Variants in MSI2 observed in about 807,000 individuals in gnomAD.
The protein encoded by MSI2 is musashi RNA binding protein 2.
In MSI2, 17 loss-of-function variants were observed where a neutral mutation model predicts 45.6. That is an observed-to-expected ratio of 0.37 (90% CI 0.26 to 0.56). The LOEUF is 0.56. Among genes scored for constraint, MSI2 ranks in the 20% least tolerant of loss-of-function variants. The pLI is 0.77. For missense variants in MSI2, 293 were observed against 444.2 expected, an observed-to-expected ratio of 0.66 and a Z score of 3.06; for synonymous variants, 156 against 158.2, an observed-to-expected ratio of 0.99 and a Z score of 0.11.
At chr17:57,649,318 T>G (rs1032470519) in intron 10 of MSI2, among the ~76,000 whole-genome samples, 2 of 142,458 alleles carry the variant, frequency 1.4e-5, no homozygotes, top group African/African-American at 5.4e-5. Flanking sequence ...AACACATACA[T>G]ACACTCAACA....
intron 5 of MSI2, among the ~76,000 whole-genome samples, chr17:57,330,097 C>T (rs959903296): frequency 1.3e-5 from 2 of 152,028 alleles, no homozygotes; most frequent in African/African-American, 4.8e-5. Flanking sequence ...TTTCCAACTT[C>T]TTTAAGTCAG....
At chr17:57,377,080 C>T (rs2144000093) in intron 5 of MSI2, among the ~76,000 whole-genome samples, 1 of 152,258 alleles carries the variant, frequency 6.6e-6, no homozygotes, top group South Asian at 2.1e-4. Flanking sequence ...GCCACCACGC[C>T]CAGCTAATTT....
At chr17:57,528,492 T>C (rs1270006576) in intron 6 of MSI2, among the ~76,000 whole-genome samples, 1 of 152,216 alleles carries the variant, frequency 6.6e-6, no homozygotes, top group East Asian at 1.9e-4. Flanking sequence ...CTCTTTGATG[T>C]TTTTAAAAAG....
intron 5 of MSI2, among the ~76,000 whole-genome samples, chr17:57,319,467 C>T (rs1216973928): frequency 6.6e-6 from 1 of 152,172 alleles, no homozygotes; most frequent in East Asian, 1.9e-4. Flanking sequence ...AAATGGATGG[C>T]ATCATGTCAG....
chr17:57,297,164 C>T (rs1324183763), intron 5 of MSI2, among the ~76,000 whole-genome samples: 1 of 150,802 alleles, frequency 6.6e-6, no homozygotes, highest in Non-Finnish European at 1.5e-5. Flanking sequence ...TGAGCCACCA[C>T]CATGCTGGGC....
At chr17:57,533,791 C>T (rs528730609) in intron 7 of MSI2, among the ~76,000 whole-genome samples, 5 of 152,300 alleles carry the variant, frequency 3.3e-5, no homozygotes, top group South Asian at 4.1e-4. Context: ...GATGCCTGCA[C>T]GCTGGCCTGT....
intron 10 of MSI2, among the ~76,000 whole-genome samples, chr17:57,645,570 G>A (rs575238840): frequency 5.1e-4 from 78 of 151,698 alleles, no homozygotes; most frequent in African/African-American, 1.6e-3. Context: ...TGAGCAGCTG[G>A]GATTAAAGGT....
chr17:57,433,060 G>A (rs922366148), intron 6 of MSI2, among the ~76,000 whole-genome samples: 3 of 152,120 alleles, frequency 2.0e-5, no homozygotes, highest in African/African-American at 4.8e-5. Context: ...ACGTCCGTGG[G>A]CCCTTCCAGA....
At chr17:57,305,128 C>T (rs1288598568) in intron 5 of MSI2, among the ~76,000 whole-genome samples, 1 of 152,096 alleles carries the variant, frequency 6.6e-6, no homozygotes, top group Non-Finnish European at 1.5e-5. Context: ...TGATAGGTGG[C>T]CCCAGCCTTT....
At chr17:57,521,375 G>A (rs4793860) in intron 6 of MSI2, among the ~76,000 whole-genome samples, 61,923 of 152,018 alleles carry the variant, frequency 0.41, 12,982 homozygotes, top group East Asian at 0.52. Context: ...TTGTGACCAC[G>A]AAAGTAGTAA....
chr17:57,492,618 T>TG (rs2085896767), intron 6 of MSI2, among the ~76,000 whole-genome samples: 1 of 68,782 alleles, frequency 1.5e-5, no homozygotes, highest in Non-Finnish European at 5.2e-5. Context: ...TTTTGTTTTG[T>TG]TTTTTTTTGA....
At position 57,556,459 on chromosome 17, in the gene MSI2, G is replaced by A. The variant is rs374168404; in HGVS notation, c.454+26735G>A. ...GTAAGAATACTTCTTCCTTGAGGTG[G>A]GCAGACGAGGGATGTGAGTCTGTGA... On this transcript the variant is annotated intron_variant, in intron 7 of 13. Coordinates refer to ENST00000284073, the MANE Select transcript of MSI2 (RefSeq NM_138962.4). Among the ~76,000 whole-genome samples the A allele has an allele frequency of 2.0e-5, 3 of 152,186 alleles. No individual in the cohort carries two copies. In the South Asian group the frequency reaches 6.2e-4, roughly 32 times the overall value.
chr17:57,284,733 G>A (rs1227065984), intron 5 of MSI2, among the ~76,000 whole-genome samples: 1 of 152,146 alleles, frequency 6.6e-6, no homozygotes, highest in African/African-American at 2.4e-5. Flanking sequence ...GGGTCACCAT[G>A]GAGATGAGAA....
intron 7 of MSI2, among the ~76,000 whole-genome samples, chr17:57,567,378 TC>T (rs2144286102): frequency 6.6e-6 from 1 of 152,384 alleles, no homozygotes; most frequent in African/African-American, 2.4e-5. Flanking sequence ...AATGCCTTTT[TC>T]CAGTTTGAAA....
chr17:57,372,050 G>C (rs1319541912), intron 5 of MSI2, among the ~76,000 whole-genome samples: 4 of 151,920 alleles, frequency 2.6e-5, no homozygotes, highest in Non-Finnish European at 5.9e-5. Context: ...AAGTTTGAGA[G>C]ATTAACTTAA....
chr17:57,444,726 C>T (rs1042463869), intron 6 of MSI2: 4 of 152,236 alleles, frequency 2.6e-5, no homozygotes, highest in African/African-American at 9.7e-5. Context: ...AATGATTATT[C>T]TGGTTGCCCA....
At chr17:57,372,795 T>G (rs17834098) in intron 5 of MSI2, among the ~76,000 whole-genome samples, 4,622 of 152,290 alleles carry the variant, frequency 0.03, 98 homozygotes, top group Non-Finnish European at 0.041. Flanking sequence ...TTTTCTTACC[T>G]GGCAATCTGG....
At chr17:57,427,864 T>C (rs928877990) in intron 6 of MSI2, among the ~76,000 whole-genome samples, 10 of 152,222 alleles carry the variant, frequency 6.6e-5, no homozygotes, top group African/African-American at 2.4e-4. Flanking sequence ...GTTCCTTATT[T>C]TGGCTTTGTG....
chr17:57,315,613 A>G (rs1309440575), intron 5 of MSI2, among the ~76,000 whole-genome samples: 2 of 152,128 alleles, frequency 1.3e-5, no homozygotes, highest in Admixed American at 6.5e-5. Context: ...AAGCTCTCCA[A>G]AGCCCACTGG....
Sources: gnomAD v4.1 joint callset for allele counts (sites outside exome capture counted in the v4.1 genomes callset) on GRCh38, gnomAD v4.1.1 for gene constraint, MANE v1.5 for transcripts, NCBI Gene and HGNC (gene_info 2026-07-23, HGNC 2026-07-21) for gene names.